The following ATG7 variants were observed in gnomAD, a reference collection of about 807,000 sequenced individuals.
ATG7 encodes ubiquitin-like modifier-activating enzyme ATG7.
Under a neutral mutation model 82.4 loss-of-function variants are expected in ATG7, and 70 were observed. The observed-to-expected ratio is 0.85, with a 90% CI of 0.70 to 1.04. The LOEUF (loss-of-function observed/expected upper bound fraction) is 1.04, where lower values mean the gene tolerates loss of function less well. ATG7 is among the 50% of genes least tolerant of loss of function. ATG7 has a pLI of 0.00. For missense variants in ATG7, 792 were observed against 864.3 expected (o/e 0.92, Z 1.05); for synonymous variants, 287 against 313.0 (o/e 0.92, Z 0.88).
At position 11,550,632 on chromosome 3, in the gene ATG7, A is replaced by C. The variant is rs371075698; in HGVS notation, c.2080-4179A>C. Among the ~76,000 whole-genome samples the C allele has an allele frequency of 1.4e-4, 22 of 152,254 alleles. No homozygotes were observed. The South Asian group carries it at 4.4e-3, about 30-fold the overall frequency. Reference sequence around the variant, plus strand: ...AGGCTGGTCTTGAACTCCTGGGCTCAAGTGATCCTCCCGCCTCAGCCTCCC... The same window carrying C: ...AGGCTGGTCTTGAACTCCTGGGCTCCAGTGATCCTCCCGCCTCAGCCTCCC... On this transcript the variant is annotated intron_variant, in intron 20 of 20. Coordinates refer to ENST00000693202, the MANE Select transcript of ATG7 (RefSeq NM_001349232.2).
rs531707575 is a variant in ATG7, at chr3:11,508,432, A to T, written c.2080-46379A>T. ...AGCCATCCTGGGCCACATGCGTTAG[A>T]CAAGCTTGGTCTAAGGGATATAGCT... On this transcript the variant is annotated intron_variant, in intron 20 of 20. Transcript: ENST00000693202. Among the ~76,000 whole-genome samples the T allele has an allele frequency of 5.3e-5, 8 of 152,224 alleles. 1 individual carries two copies. The South Asian group carries it at 1.7e-3, about 32-fold the overall frequency.
chr3:11,347,830 G>A, intron 13 of ATG7, 47 bp from the exon 14 acceptor site: 3 of 1,581,944 alleles, frequency 1.9e-6, no homozygotes, highest in Non-Finnish European at 2.6e-6. Context: ...ACAGCACCCT[G>A]TGAAATGTTC....
Position 11,329,015 on chromosome 3 carries a change from A to T in ATG7, c.679-2325A>T, listed in dbSNP as rs547889328. On this transcript the variant is annotated intron_variant, in intron 9 of 20. Coordinates refer to ENST00000693202, the MANE Select transcript of ATG7 (RefSeq NM_001349232.2). ...AGGCTGAGGCACTAGAATTGCTTGA[A>T]TCCTATGAGGTGGAGGTTGCAGTGA... Among the ~76,000 whole-genome samples the T allele has an allele frequency of 3.3e-5, 5 of 152,284 alleles. No individual in the cohort carries two copies. The South Asian group carries it at 6.2e-4, about 19-fold the overall frequency.
intron 20 of ATG7, among the ~76,000 whole-genome samples, chr3:11,485,064 T>A (rs2089466962): frequency 6.6e-6 from 1 of 152,214 alleles, no homozygotes; most frequent in African/African-American, 2.4e-5. Flanking sequence ...TACCCAGTAA[T>A]GGGATGGCTG....
intron 20 of ATG7, among the ~76,000 whole-genome samples, chr3:11,533,777 C>T (rs748272142): frequency 6.6e-6 from 1 of 152,122 alleles, no homozygotes; most frequent in African/African-American, 2.4e-5. Context: ...TCATATTTAT[C>T]AGCAGAGAAA....
chr3:11,345,598 C>A (rs1299353118), intron 13 of ATG7, among the ~76,000 whole-genome samples: 1 of 151,994 alleles, frequency 6.6e-6, no homozygotes, highest in Non-Finnish European at 1.5e-5. Flanking sequence ...TTTAAAAAAT[C>A]TTTTCATATT....
downstream of ATG7, among the ~76,000 whole-genome samples, chr3:11,560,018 G>C (rs558848798): frequency 1.3e-5 from 2 of 152,088 alleles, no homozygotes; most frequent in South Asian, 2.1e-4. Context: ...TCCCACCCCA[G>C]CCCGATCTGC....
At chr3:11,457,801 A>G (rs1182804397) in intron 20 of ATG7, among the ~76,000 whole-genome samples, 1 of 152,178 alleles carries the variant, frequency 6.6e-6, no homozygotes, top group Non-Finnish European at 1.5e-5. Context: ...TGAACACCTA[A>G]GAGACTGTGC....
chr3:11,364,837 A>G (rs1296201075), intron 18 of ATG7, 103 bp downstream of exon 18: 5 of 1,212,354 alleles, frequency 4.1e-6, no homozygotes, highest in South Asian at 4.0e-5. Context: ...TATCCACCCT[A>G]CTTACCCTGC....
chr3:11,548,842 CT>C (rs2071519198), intron 20 of ATG7, among the ~76,000 whole-genome samples: 1 of 152,166 alleles, frequency 6.6e-6, no homozygotes, highest in Non-Finnish European at 1.5e-5. Flanking sequence ...GGATAATATC[CT>C]TTCGTATAGT....
intron 19 of ATG7, among the ~76,000 whole-genome samples, chr3:11,407,832 C>A (rs2080495962): frequency 6.6e-6 from 1 of 152,284 alleles, no homozygotes; most frequent in African/African-American, 2.4e-5. Context: ...GCACAGGGAC[C>A]CTGGGCTCAG....
chr3:11,405,509 C>G (rs982744103), intron 19 of ATG7, among the ~76,000 whole-genome samples: 9 of 152,186 alleles, frequency 5.9e-5, no homozygotes, highest in Middle Eastern at 6.3e-3. Flanking sequence ...GGTTCTTACT[C>G]CACTATTTTT....
chr3:11,560,110 G>T (rs1276682947), downstream of ATG7, among the ~76,000 whole-genome samples: 1 of 151,730 alleles, frequency 6.6e-6, no homozygotes, highest in Non-Finnish European at 1.5e-5. Flanking sequence ...TTCAAGCCCT[G>T]TTCAGATCTC....
At chr3:11,355,231 C>T (rs1391554848) in intron 14 of ATG7, among the ~76,000 whole-genome samples, 2 of 152,104 alleles carry the variant, frequency 1.3e-5, no homozygotes, top group South Asian at 2.1e-4. Context: ...GTTCTGTATA[C>T]GGAGTGGAGA....
intron 20 of ATG7, among the ~76,000 whole-genome samples, chr3:11,427,379 T>C (rs1433010080): frequency 6.6e-6 from 1 of 152,170 alleles, no homozygotes; most frequent in Non-Finnish European, 1.5e-5. Flanking sequence ...TCAGTCTTCT[T>C]AGACCCTGAA....
chr3:11,371,723 A>G (rs1160947029), intron 18 of ATG7, among the ~76,000 whole-genome samples: 1 of 151,180 alleles, frequency 6.6e-6, no homozygotes, highest in Non-Finnish European at 1.5e-5. Context: ...GCTTCTTGAT[A>G]GCATCACCTG....
chr3:11,467,599 C>T (rs963844362), intron 20 of ATG7, among the ~76,000 whole-genome samples: 2 of 152,192 alleles, frequency 1.3e-5, no homozygotes, highest in Non-Finnish European at 2.9e-5. Flanking sequence ...TGGTCTTGAA[C>T]TCCTGACCTC....
intron 20 of ATG7, among the ~76,000 whole-genome samples, chr3:11,499,602 A>C (rs555485877): frequency 7.4e-4 from 113 of 151,772 alleles, no homozygotes; most frequent in African/African-American, 2.6e-3. Context: ...AAAAAATTAG[A>C]CAGGTGTGGT....
intron 9 of ATG7, among the ~76,000 whole-genome samples, chr3:11,318,532 G>A (rs528228590): frequency 1.2e-3 from 178 of 152,228 alleles, no homozygotes; most frequent in Non-Finnish European, 2.1e-3. Context: ...CCTACCTGTG[G>A]CCCTGAATGT....
Sources: allele counts gnomAD v4.1 joint callset (sites outside exome capture counted in the v4.1 genomes callset), GRCh38; gene constraint gnomAD v4.1.1; transcripts MANE v1.5; gene names NCBI Gene and HGNC (gene_info 2026-07-23, HGNC 2026-07-21).